TMC1: variants seen among roughly 807,000 people sequenced by gnomAD.
The protein encoded by TMC1 is transmembrane channel like 1, also known as transmembrane channel-like protein 1.
Under a neutral mutation model 105.8 loss-of-function variants are expected in TMC1, and 84 were observed. The observed-to-expected ratio is 0.79, with a 90% confidence interval of 0.67 to 0.95. TMC1 has a LOEUF of 0.95. Ranked by LOEUF, TMC1 falls within the 40% of genes least tolerant of loss-of-function variation. The pLI, the probability that TMC1 is intolerant of heterozygous loss-of-function variation, is 0.00. For missense variants in TMC1, 817 were observed against 914.1 expected, an observed-to-expected ratio of 0.89 and a Z score of 1.37; for synonymous variants, 315 against 311.5, an observed-to-expected ratio of 1.01 and a Z score of -0.12.
chr9:72,570,752 G>A (rs561179077), intron 1 of TMC1, among the ~76,000 whole-genome samples: 5 of 124,272 alleles, frequency 4.0e-5, no homozygotes, highest in Admixed American at 1.0e-4. Flanking sequence ...GCAGTGGTGC[G>A]ATCTCGGCTT....
chr9:72,689,528 A>G (rs1394223788), intron 6 of TMC1, among the ~76,000 whole-genome samples: 1 of 136,406 alleles, frequency 7.3e-6, no homozygotes, highest in African/African-American at 3.1e-5. Context: ...TCCATTATGG[A>G]ATGTAATGTA....
chr9:72,553,299 G>A (rs1460787285), intron 1 of TMC1, among the ~76,000 whole-genome samples: 1 of 152,098 alleles, frequency 6.6e-6, no homozygotes, highest in Non-Finnish European at 1.5e-5. Flanking sequence ...TTAAATGTAA[G>A]TATAAAGATC....
At chr9:72,822,463 T>G (rs1050118149) in intron 20 of TMC1, among the ~76,000 whole-genome samples, 2 of 151,976 alleles carry the variant, frequency 1.3e-5, no homozygotes, top group African/African-American at 4.8e-5. Flanking sequence ...TTAAACTAGC[T>G]GGACCTCTGT....
At chr9:72,750,628 C>A (rs188043393) in intron 10 of TMC1, among the ~76,000 whole-genome samples, 2 of 152,202 alleles carry the variant, frequency 1.3e-5, no homozygotes. Flanking sequence ...ACTGAACATT[C>A]TTGCCTATTG....
intron 1 of TMC1, among the ~76,000 whole-genome samples, chr9:72,562,383 G>A (rs1465445765): frequency 4.6e-5 from 7 of 152,192 alleles, no homozygotes; most frequent in African/African-American, 7.2e-5. Flanking sequence ...GTGCTCTCAT[G>A]TAATTTATGT....
At chr9:72,751,704 A>C in intron 10 of TMC1, 146 bp from the exon 11 acceptor site, 1 of 644,018 alleles carries the variant, frequency 1.6e-6, no homozygotes, top group South Asian at 1.8e-5. Flanking sequence ...CTGAATAGAG[A>C]GAAAAGAATG....
intron 4 of TMC1, among the ~76,000 whole-genome samples, chr9:72,640,351 G>A (rs1003314850): frequency 6.6e-6 from 1 of 152,122 alleles, no homozygotes; most frequent in Non-Finnish European, 1.5e-5. Flanking sequence ...GTAAAGAATC[G>A]TGATGCAAAG....
At chr9:72,648,760 G>C in intron 5 of TMC1, 96 bp downstream of exon 5, 3 of 1,142,040 alleles carry the variant, frequency 2.6e-6, no homozygotes, top group African/African-American at 3.0e-5. Flanking sequence ...TACAATTTTT[G>C]TTCCCTCTTT....
chr9:72,740,775 A>G (rs149590098), intron 9 of TMC1, among the ~76,000 whole-genome samples: 2 of 152,346 alleles, frequency 1.3e-5, no homozygotes, highest in Admixed American at 1.3e-4. Context: ...TCTCCTCTTT[A>G]CAAATGTTAT....
In TMC1 at chr9:72,704,735, AG is replaced by A. The variant is rs1386001049; in HGVS notation, c.362+4093del. Among the ~76,000 whole-genome samples, 8 of 152,128 alleles carry A rather than the reference AG, an allele frequency of 5.3e-5. No individual in the cohort carries two copies. The East Asian group carries it at 1.5e-3, about 29-fold the overall frequency. On this transcript the variant is annotated intron_variant, in intron 8 of 23. Coordinates refer to ENST00000297784, the MANE Select transcript of TMC1 (RefSeq NM_138691.3). ...TCAATACAATTTCACACATTCCTGT[AG>A]CCTTAAACCTACTGAATGATAATCT...
At chr9:72,697,903 A>C (rs147514307) in intron 7 of TMC1, among the ~76,000 whole-genome samples, 1,614 of 152,210 alleles carry the variant, frequency 0.011, 15 homozygotes, top group Non-Finnish European at 0.018. Flanking sequence ...CTAGTTTCTG[A>C]AAATATTTCA....
intron 2 of TMC1, among the ~76,000 whole-genome samples, chr9:72,592,467 C>T (rs1229689943): frequency 6.6e-6 from 1 of 152,162 alleles, no homozygotes; most frequent in African/African-American, 2.4e-5. Context: ...TGCCGTGATC[C>T]TCCAGCCTCA....
intron 12 of TMC1, among the ~76,000 whole-genome samples, chr9:72,759,090 C>A (rs1827713683): frequency 6.6e-6 from 1 of 151,934 alleles, no homozygotes; most frequent in Non-Finnish European, 1.5e-5. Context: ...CAGTTTTTAC[C>A]CCTACTGTTG....
intron 12 of TMC1, among the ~76,000 whole-genome samples, chr9:72,762,596 G>A (rs1165362747): frequency 6.6e-6 from 1 of 152,180 alleles, no homozygotes; most frequent in South Asian, 2.1e-4. Flanking sequence ...GACCCCAAGC[G>A]AGACTGCTAA....
chr9:72,745,166 TTGAG>T (rs761274616), intron 10 of TMC1, among the ~76,000 whole-genome samples: 2 of 152,208 alleles, frequency 1.3e-5, no homozygotes, highest in African/African-American at 2.4e-5. Context: ...CCACCATTTA[TTGAG>T]TACCACCATG....
intron 2 of TMC1, among the ~76,000 whole-genome samples, chr9:72,610,781 A>G (rs1210340804): frequency 6.6e-6 from 1 of 152,258 alleles, no homozygotes; most frequent in East Asian, 1.9e-4. Flanking sequence ...GTAGATGAAT[A>G]TCTGGTAACA....
At chr9:72,753,286 C>CTTTTTTTTTTTTT (rs5898269) in intron 11 of TMC1, among the ~76,000 whole-genome samples, 4 of 81,832 alleles carry the variant, frequency 4.9e-5, no homozygotes, top group Non-Finnish European at 6.6e-5. Flanking sequence ...TTAACCCCAG[C>CTTTTTTTTTTTTT]TTTTTTTTTT....
chr9:72,562,964 CAAATA>C (rs1018851659), intron 1 of TMC1, among the ~76,000 whole-genome samples: 51 of 151,882 alleles, frequency 3.4e-4, no homozygotes, highest in African/African-American at 1.2e-3. Context: ...GACTCCGTCT[CAAATA>C]AAATAAAATA....
At chr9:72,599,821 A>T (rs1235660618) in intron 2 of TMC1, among the ~76,000 whole-genome samples, 1 of 152,128 alleles carries the variant, frequency 6.6e-6, no homozygotes. Context: ...AAAAAAAAAA[A>T]GAAAGAAAAA....
Sources: allele counts gnomAD v4.1 joint callset (sites outside exome capture counted in the v4.1 genomes callset), GRCh38; gene constraint gnomAD v4.1.1; transcripts MANE v1.5; gene names NCBI Gene and HGNC (gene_info 2026-07-23, HGNC 2026-07-21).